MCTP1: variants seen among roughly 807,000 people sequenced by gnomAD.
MCTP1 encodes the protein multiple C2 and transmembrane domain-containing protein 1.
In MCTP1, 69 loss-of-function variants were observed where a neutral mutation model predicts 120.6. The observed-to-expected ratio is 0.57, with a 90% CI of 0.47 to 0.70. The LOEUF (loss-of-function observed/expected upper bound fraction) is 0.70, where lower values mean the gene tolerates loss of function less well. Ranked by LOEUF, MCTP1 falls within the 30% of genes least tolerant of loss-of-function variation. The probability of loss-of-function intolerance (pLI) is 0.00; values close to 1 mark genes in which losing one functional copy is unlikely to be tolerated. For synonymous variants in MCTP1, 529 were observed against 493.1 expected, an observed-to-expected ratio of 1.07 and a Z score of -0.96; for missense variants, 1,203 against 1,248.8, an observed-to-expected ratio of 0.96 and a Z score of 0.55.
chr5:95,140,879 C>CAA (rs33910299), intron 1 of MCTP1, among the ~76,000 whole-genome samples: 13,871 of 45,066 alleles, frequency 0.31, 3,327 homozygotes, highest in East Asian at 0.59. Context: ...GACTCCGTCT[C>CAA]AAAAAAAAAA....
intron 1 of MCTP1, among the ~76,000 whole-genome samples, chr5:95,031,725 CA>C (rs1211105275): frequency 6.6e-6 from 1 of 151,990 alleles, no homozygotes; most frequent in Non-Finnish European, 1.5e-5. Flanking sequence ...ATGACGGGAA[CA>C]AAATCTCATA....
intron 17 of MCTP1, among the ~76,000 whole-genome samples, chr5:94,812,455 G>GA (rs57511429): frequency 0.27 from 28,518 of 104,212 alleles, 3,631 homozygotes; most frequent in Non-Finnish European, 0.36. Flanking sequence ...TCAGGGATAC[G>GA]AAAAAAAAAA....
Position 94,952,571 on chromosome 5 carries a change from A to G in MCTP1, c.981+648T>C, listed in dbSNP as rs1262845072. Among the ~76,000 whole-genome samples the G allele has an allele frequency of 5.9e-5, 9 of 152,242 alleles. 1 individual carries two copies. The highest frequency in any genetic ancestry group is 5.9e-4 in the Admixed American group (9 of 15,282). ...AGGTCTGGTCACTGAATGAACAGTCAGAGCCTAGGAGCAAAAAAGAATATA... is the reference window on the plus strand; with the variant it reads ...AGGTCTGGTCACTGAATGAACAGTCGGAGCCTAGGAGCAAAAAAGAATATA... On this transcript the variant is annotated intron_variant, in intron 3 of 22. Transcript: ENST00000515393.
At chr5:95,064,537 A>G (rs1750093845) in intron 1 of MCTP1, among the ~76,000 whole-genome samples, 1 of 152,244 alleles carries the variant, frequency 6.6e-6, no homozygotes, top group Non-Finnish European at 1.5e-5. Context: ...ATAAAAATGA[A>G]ATGTCTATAT....
At chr5:94,753,696 C>A (rs1343734644) in intron 19 of MCTP1, among the ~76,000 whole-genome samples, 1 of 152,184 alleles carries the variant, frequency 6.6e-6, no homozygotes, top group Non-Finnish European at 1.5e-5. Flanking sequence ...ACAAACTCTA[C>A]TCTGAGCTCT....
chr5:94,760,151 T>C (rs1771001793), intron 19 of MCTP1, among the ~76,000 whole-genome samples: 1 of 152,062 alleles, frequency 6.6e-6, no homozygotes, highest in Admixed American at 6.5e-5. Context: ...GACATAATTG[T>C]GCATGAATTC....
chr5:94,865,941 T>C (rs530301266), intron 17 of MCTP1, among the ~76,000 whole-genome samples: 21 of 151,976 alleles, frequency 1.4e-4, no homozygotes, highest in African/African-American at 4.6e-4. Context: ...TTAACAAATA[T>C]TAGTGGTTGT....
chr5:94,982,680 G>T, intron 2 of MCTP1, among the ~76,000 whole-genome samples: 1 of 151,978 alleles, frequency 6.6e-6, no homozygotes, highest in East Asian at 1.9e-4. Flanking sequence ...CCTGAAGTCA[G>T]GAGTTCAAGA....
At chr5:95,050,417 T>C (rs1745588260) in intron 1 of MCTP1, among the ~76,000 whole-genome samples, 1 of 152,226 alleles carries the variant, frequency 6.6e-6, no homozygotes, top group African/African-American at 2.4e-5. Flanking sequence ...AAAATCTTCC[T>C]TTCATCTTTA....
intron 1 of MCTP1, among the ~76,000 whole-genome samples, chr5:95,239,302 C>T (rs1195791686): frequency 1.3e-5 from 2 of 152,036 alleles, no homozygotes; most frequent in Non-Finnish European, 2.9e-5. Context: ...CACAATTAGC[C>T]CAAATTATGA....
At chr5:95,141,453 G>A (rs1343408930) in intron 1 of MCTP1, among the ~76,000 whole-genome samples, 1 of 152,154 alleles carries the variant, frequency 6.6e-6, no homozygotes, top group Non-Finnish European at 1.5e-5. Flanking sequence ...AACACAGCTG[G>A]GGTATTCTCT....
intron 19 of MCTP1, among the ~76,000 whole-genome samples, chr5:94,778,269 G>C (rs762266233): frequency 6.6e-6 from 1 of 151,982 alleles, no homozygotes; most frequent in Non-Finnish European, 1.5e-5. Context: ...GCCAAACAAC[G>C]TGGAAATAAC....
At chr5:95,022,167 C>A (rs1457564504) in intron 1 of MCTP1, among the ~76,000 whole-genome samples, 1 of 152,180 alleles carries the variant, frequency 6.6e-6, no homozygotes, top group Non-Finnish European at 1.5e-5. Context: ...GGAAGGCACT[C>A]ATAGCTCCCA....
intron 1 of MCTP1, among the ~76,000 whole-genome samples, chr5:95,046,251 T>A (rs1349928457): frequency 1.3e-5 from 2 of 152,112 alleles, no homozygotes; most frequent in East Asian, 1.9e-4. Flanking sequence ...AAGAATTCAT[T>A]TGAGAGGCTA....
intron 19 of MCTP1, among the ~76,000 whole-genome samples, chr5:94,722,101 A>T (rs1761054221): frequency 6.6e-6 from 1 of 152,188 alleles, no homozygotes; most frequent in Non-Finnish European, 1.5e-5. Flanking sequence ...TTGCAACAGA[A>T]AGTTAACTAG....
chr5:94,970,532 G>A (rs1053182843), intron 2 of MCTP1, among the ~76,000 whole-genome samples: 4 of 151,930 alleles, frequency 2.6e-5, no homozygotes, highest in Non-Finnish European at 5.9e-5. Flanking sequence ...TGGTGACATT[G>A]AGCAACTACA....
chr5:95,241,156 A>G (rs998140168), intron 1 of MCTP1, among the ~76,000 whole-genome samples: 2 of 152,154 alleles, frequency 1.3e-5, no homozygotes, highest in African/African-American at 4.8e-5. Flanking sequence ...ATCTAGCTTT[A>G]TTAGGAAAAG....
intron 1 of MCTP1, among the ~76,000 whole-genome samples, chr5:95,144,543 A>AT (rs1760214929): frequency 6.6e-6 from 1 of 152,108 alleles, no homozygotes; most frequent in South Asian, 2.1e-4. Flanking sequence ...TTACCCTTAA[A>AT]TGTTTAATCC....
chr5:94,751,600 C>T (rs1291070027), intron 19 of MCTP1, among the ~76,000 whole-genome samples: 1 of 152,014 alleles, frequency 6.6e-6, no homozygotes, highest in Non-Finnish European at 1.5e-5. Context: ...CTTCTCCTGC[C>T]TGGTGGAATG....
Sources: gnomAD v4.1 joint callset for allele counts (sites outside exome capture counted in the v4.1 genomes callset) on GRCh38, gnomAD v4.1.1 for gene constraint, MANE v1.5 for transcripts, NCBI Gene and HGNC (gene_info 2026-07-23, HGNC 2026-07-21) for gene names.